Variants in ADAMTSL1 observed in about 807,000 individuals in gnomAD.
ADAMTSL1 encodes ADAMTS-like protein 1.
A neutral mutation model predicts 201.8 loss-of-function variants in ADAMTSL1; 126 were observed. That is an observed-to-expected ratio of 0.62 (90% confidence interval 0.54 to 0.72). ADAMTSL1 has a LOEUF of 0.72. Among genes scored for constraint, ADAMTSL1 ranks in the 30% least tolerant of loss-of-function variants. The pLI, the probability that ADAMTSL1 is intolerant of heterozygous loss-of-function variation, is 0.00. For synonymous variants in ADAMTSL1, 1,121 were observed against 903.4 expected, an observed-to-expected ratio of 1.24 and a Z score of -4.32; for missense variants, 2,679 against 2,277.8, an observed-to-expected ratio of 1.18 and a Z score of -3.59.
chr9:18,560,717 T>A (rs947664781), intron 3 of ADAMTSL1, among the ~76,000 whole-genome samples: 1 of 151,988 alleles, frequency 6.6e-6, no homozygotes, highest in Non-Finnish European at 1.5e-5. Flanking sequence ...GATTCAAATA[T>A]TTCCTGGTTT....
chr9:18,349,913 G>A (rs943251480), intron 2 of ADAMTSL1, among the ~76,000 whole-genome samples: 45 of 145,104 alleles, frequency 3.1e-4, no homozygotes, highest in African/African-American at 1.0e-3. Context: ...TGGTGCAAAA[G>A]TAATGGCAAA....
At chr9:18,350,719 G>A (rs1033193724) in intron 2 of ADAMTSL1, among the ~76,000 whole-genome samples, 7 of 152,130 alleles carry the variant, frequency 4.6e-5, no homozygotes, top group Admixed American at 4.6e-4. Context: ...TCCTTCACCT[G>A]AAGAGGGTAT....
At chr9:18,053,861 G>A (rs969213975) in intron 1 of ADAMTSL1, among the ~76,000 whole-genome samples, 5 of 152,182 alleles carry the variant, frequency 3.3e-5, no homozygotes, top group Non-Finnish European at 5.9e-5. Context: ...CAGATATCAG[G>A]CAATGTCTTT....
At chr9:18,258,050 T>C (rs1372121316) in intron 2 of ADAMTSL1, among the ~76,000 whole-genome samples, 2 of 152,196 alleles carry the variant, frequency 1.3e-5, no homozygotes, top group Non-Finnish European at 2.9e-5. Flanking sequence ...TGGTGATAGC[T>C]GCACAACAAT....
chr9:18,859,938 C>A (rs982059677), intron 23 of ADAMTSL1, among the ~76,000 whole-genome samples: 2 of 151,924 alleles, frequency 1.3e-5, no homozygotes, highest in African/African-American at 4.8e-5. Flanking sequence ...GCACCCATCA[C>A]CCATTTAAAG....
At chr9:18,480,588 A>G (rs1408355523) in intron 1 of ADAMTSL1, among the ~76,000 whole-genome samples, 1 of 152,226 alleles carries the variant, frequency 6.6e-6, no homozygotes, top group Non-Finnish European at 1.5e-5. Context: ...AATTTTGGGA[A>G]AGGTGTTGTT....
At chr9:18,292,272 G>A (rs566594663) in intron 2 of ADAMTSL1, among the ~76,000 whole-genome samples, 28 of 152,190 alleles carry the variant, frequency 1.8e-4, no homozygotes, top group African/African-American at 6.7e-4. Flanking sequence ...AAGCAGGAGA[G>A]GTGAACAGCA....
intron 23 of ADAMTSL1, among the ~76,000 whole-genome samples, chr9:18,863,181 G>C (rs1225935427): frequency 1.3e-5 from 2 of 152,198 alleles, no homozygotes; most frequent in African/African-American, 4.8e-5. Flanking sequence ...TTCTTCACCT[G>C]TAAGAGAATA....
chr9:18,192,575 A>G (rs1439723318), intron 2 of ADAMTSL1, among the ~76,000 whole-genome samples: 1 of 152,160 alleles, frequency 6.6e-6, no homozygotes, highest in Non-Finnish European at 1.5e-5. Flanking sequence ...AAGCTACAGT[A>G]TTCTCCAGTG....
chr9:18,475,174 C>T (rs888208087), intron 1 of ADAMTSL1, among the ~76,000 whole-genome samples: 1 of 152,226 alleles, frequency 6.6e-6, no homozygotes, highest in Admixed American at 6.5e-5. Context: ...TTTGCACACA[C>T]TGATCCAAAC....
At chr9:18,366,627 A>ATTTTTTTTTTTTTTTTTTTTTTTTTTT (rs772034324) in intron 2 of ADAMTSL1, among the ~76,000 whole-genome samples, 1 of 112,800 alleles carries the variant, frequency 8.9e-6, no homozygotes, top group African/African-American at 3.4e-5. Flanking sequence ...GAAATCACTA[A>ATTTTTTTTTTTTTTTTTTTTTTTTTTT]TTTTTTTTTT....
chr9:18,075,340 T>C (rs1325902831), intron 1 of ADAMTSL1, among the ~76,000 whole-genome samples: 1 of 152,164 alleles, frequency 6.6e-6, no homozygotes, highest in Non-Finnish European at 1.5e-5. Flanking sequence ...AGAAGTGAGG[T>C]CACAGTCAAT....
chr9:18,343,901 G>A (rs1835582260), intron 2 of ADAMTSL1, among the ~76,000 whole-genome samples: 1 of 152,062 alleles, frequency 6.6e-6, no homozygotes, highest in Non-Finnish European at 1.5e-5. Context: ...TGATAAGCAT[G>A]CTTCCCCAGG....
chr9:18,877,468 T>A (rs114978158), intron 23 of ADAMTSL1, among the ~76,000 whole-genome samples: 3,295 of 152,292 alleles, frequency 0.022, 115 homozygotes, highest in African/African-American at 0.074. Context: ...TGGGGCTTTC[T>A]GGGAGCTGAA....
At chr9:18,118,084 A>G (rs529244672) in intron 1 of ADAMTSL1, among the ~76,000 whole-genome samples, 4 of 152,298 alleles carry the variant, frequency 2.6e-5, no homozygotes, top group Non-Finnish European at 4.4e-5. Context: ...CTATAGAAAC[A>G]TCTAGCAGGT....
chr9:18,360,952 C>T (rs1336704234), intron 2 of ADAMTSL1, among the ~76,000 whole-genome samples: 2 of 152,122 alleles, frequency 1.3e-5, no homozygotes, highest in Non-Finnish European at 2.9e-5. Context: ...AAATCTCAAT[C>T]TGAGTAAATC....
chr9:18,194,642 A>T (rs1829100586), intron 2 of ADAMTSL1, among the ~76,000 whole-genome samples: 1 of 152,106 alleles, frequency 6.6e-6, no homozygotes. Context: ...CTTTTTCAAC[A>T]GTCCCAGCAG....
chr9:18,429,477 A>G (rs1375489735), intron 2 of ADAMTSL1, among the ~76,000 whole-genome samples: 1 of 152,210 alleles, frequency 6.6e-6, no homozygotes, highest in East Asian at 1.9e-4. Context: ...AAGAGGTTAA[A>G]TAAGTGACGG....
At chr9:18,307,330 A>G (rs1343738677) in intron 2 of ADAMTSL1, among the ~76,000 whole-genome samples, 1 of 152,180 alleles carries the variant, frequency 6.6e-6, no homozygotes, top group Non-Finnish European at 1.5e-5. Context: ...GACAGGGTCA[A>G]ATTCACACAT....
Sources: allele counts gnomAD v4.1 joint callset (sites outside exome capture counted in the v4.1 genomes callset), GRCh38; gene constraint gnomAD v4.1.1; transcripts MANE v1.5; gene names NCBI Gene and HGNC (gene_info 2026-07-23, HGNC 2026-07-21).